RPS6: variants seen among roughly 807,000 people sequenced by gnomAD.
RPS6 encodes the protein small ribosomal subunit protein eS6.
Under a neutral mutation model 27.1 loss-of-function variants are expected in RPS6, and 1 was observed. The ratio of observed to expected loss-of-function variants is 0.04; its 90% CI spans 0.01 to 0.18. The LOEUF is 0.18. Among genes scored for constraint, RPS6 ranks in the 10% least tolerant of loss-of-function variants. The pLI is 1.00. For synonymous variants in RPS6, 152 were observed against 106.0 expected, an observed-to-expected ratio of 1.43 and a Z score of -2.66; for missense variants, 259 against 319.1, an observed-to-expected ratio of 0.81 and a Z score of 1.44.
chr9:19,380,212 G>A lies in RPS6; in HGVS notation c.-17C>T, dbSNP rs565220729. 43 of 1,613,380 alleles carry A rather than the reference G, an allele frequency of 2.7e-5. No individual in the cohort carries two copies. The highest frequency in any genetic ancestry group is 2.0e-4 in the South Asian group (18 of 91,084). ...TACCTTCATCTTGAAGCAGCTGAAC[G>A]CCTCCGAGGCGCCACGGAAAAGAGG... On this transcript the variant is annotated 5_prime_UTR_variant, in exon 1 of 6. Transcript: ENST00000380394.
Position 19,375,965 on chromosome 9 carries a change from ATATTCCTCAAAAATAAAC to A in RPS6, c.*310_*327del, listed in dbSNP as rs1362755831. On this transcript the variant is annotated 3_prime_UTR_variant, in exon 6 of 6. Transcript: ENST00000380394. ...ATTGTGTATAGTGCTTTAAAGAGCT[ATATTCCTCAAAAATAAAC>A]TATATAAAAAAGATTAATAGTCCTC... 1 of 187,062 alleles carries A rather than the reference ATATTCCTCAAAAATAAAC, an allele frequency of 5.3e-6. No homozygotes were observed. The highest frequency in any genetic ancestry group is 1.3e-4 in the East Asian group (1 of 7,800). 11.6% of individuals were successfully genotyped at this position (187,062 alleles called of 1,614,324 possible).
chr9:19,376,976 T>C lies in RPS6; in HGVS notation c.497-325A>G, dbSNP rs190594059. On this transcript the variant is annotated intron_variant, in intron 4 of 5. Coordinates refer to ENST00000380394, the MANE Select transcript of RPS6 (RefSeq NM_001010.3). ...TAGTTAATTTGTCTGTGAAAACCAC[T>C]TAACACATTATCTACATAATCATCC... 54 of 187,950 alleles carry C rather than the reference T, an allele frequency of 2.9e-4. 1 individual carries two copies. The East Asian group carries it at 5.4e-3, about 19-fold the overall frequency. 11.6% of individuals were successfully genotyped at this position (187,950 alleles called of 1,614,324 possible).
At chr9:19,377,464 G>A (rs1423059268) in intron 4 of RPS6, among the ~76,000 whole-genome samples, 1 of 145,644 alleles carries the variant, frequency 6.9e-6, no homozygotes, top group African/African-American at 2.6e-5. Flanking sequence ...TCAGCACCTT[G>A]AACAGTACCT....
In RPS6 at chr9:19,379,635, G is replaced by A. The variant is rs771844493; in HGVS notation, c.7-17C>T. The A allele has an allele frequency of 1.9e-6, 3 of 1,606,848 alleles. No individual in the cohort carries two copies. Among genetic ancestry groups the A allele is most frequent in the East Asian group, 2.2e-5 (1 of 44,810 alleles). ...GATGTTCAGCTAAGGATTAAAAGGG[G>A]GGAAATAGTTTACGAAACTATCTAT... On this transcript the variant is annotated splice_polypyrimidine_tract_variant and intron_variant, in intron 1 of 5. Transcript: ENST00000380394.
In RPS6 at chr9:19,380,176, C is replaced by T. The variant is rs769690365; in HGVS notation, c.6+14G>A. The T allele has an allele frequency of 8.8e-5, 142 of 1,614,030 alleles. No individual in the cohort carries two copies. The highest frequency in any genetic ancestry group is 1.1e-4 in the Non-Finnish European group (129 of 1,180,032). ...TTCCCCAAACCCAGTCTAACACTCG[C>T]CACCATCACCTACCTTCATCTTGAA... On this transcript the variant is annotated intron_variant, in intron 1 of 5. Transcript: ENST00000380394.
chr9:19,379,892 G>A lies in RPS6; in HGVS notation c.7-274C>T, dbSNP rs1050565623. ...CCGTTCACCCTCCCGAAGCAAGAAA[G>A]CCGGGGTCAAGAGCCGCACCACAGG... On this transcript the variant is annotated intron_variant, in intron 1 of 5. Transcript: ENST00000380394. 21 of 1,423,580 alleles carry A rather than the reference G, an allele frequency of 1.5e-5. No individual in the cohort carries two copies. In the Admixed American group the frequency reaches 2.6e-4, roughly 18 times the overall value. 88.2% of individuals were successfully genotyped at this position (1,423,580 alleles called of 1,614,324 possible).
Position 19,376,082 on chromosome 9 carries a change from C to A in RPS6, c.*211G>T. Reference sequence around the variant, plus strand: ...GCTCAGAATCCCTTCCTGTGCCACCCATCCCCTGAAAGGAACCCCTGTACA... The same window carrying A: ...GCTCAGAATCCCTTCCTGTGCCACCAATCCCCTGAAAGGAACCCCTGTACA... On this transcript the variant is annotated 3_prime_UTR_variant, in exon 6 of 6. Coordinates refer to ENST00000380394, the MANE Select transcript of RPS6 (RefSeq NM_001010.3). 2.1e-6 allele frequency: 1 copy of A among 467,016 alleles called. No homozygotes were observed. Among genetic ancestry groups the A allele is most frequent in the Non-Finnish European group, 3.8e-6 (1 of 264,206 alleles). The allele number at this position is 467,016 out of a possible 1,614,324, so 28.9% of individuals were successfully genotyped here.
At position 19,376,344 on chromosome 9, in the gene RPS6, T is replaced by C. The variant is rs3209386; in HGVS notation, c.699A>G (p.Arg233=). ...AAGTAGAAGCTCGCAGAGAGGAAAG[T>C]CTGCGTCTCTTCGCAATTTGTTCCT... ...KRQEQIAKRR[R]LSSLRASTSK... The change falls in exon 6 of 6, where the codon AGA becomes AGG. Residue 233 remains arginine, a synonymous_variant. Transcript: ENST00000380394. 1 of 1,614,172 alleles carries C rather than the reference T, an allele frequency of 6.2e-7. No homozygotes were observed. The highest frequency in any genetic ancestry group is 2.2e-5 in the East Asian group (1 of 44,880).
At position 19,379,284 on chromosome 9, in the gene RPS6, T is replaced by C. The variant is rs1204142119; in HGVS notation, c.138+203A>G. On this transcript the variant is annotated intron_variant, in intron 2 of 5. Transcript: ENST00000380394. ...TGATGCAGGGCAAGAATTATGTTGATGTAAACTTTACGTATATTTTATGGC... is the reference window on the plus strand; with the variant it reads ...TGATGCAGGGCAAGAATTATGTTGACGTAAACTTTACGTATATTTTATGGC... The C allele has an allele frequency of 2.0e-6, 3 of 1,467,090 alleles. No homozygotes were observed. The African/African-American group carries it at 4.3e-5, about 21-fold the overall frequency. The allele number at this position is 1,467,090 out of a possible 1,614,324, so 90.9% of individuals were successfully genotyped here.
intron 2 of RPS6, 58 bp from the exon 3 acceptor site, chr9:19,378,976 A>ACAGGAT: frequency 6.6e-7 from 1 of 1,524,460 alleles, no homozygotes; most frequent in South Asian, 1.2e-5. Context: ...ATTATACAGT[A>ACAGGAT]CAGGATTGTG....
intron 1 of RPS6, chr9:19,379,859 C>A: frequency 1.4e-6 from 2 of 1,424,576 alleles, no homozygotes; most frequent in Non-Finnish European, 1.8e-6. Flanking sequence ...GGCGAGGGCA[C>A]TCCGCAGCCG....
At chr9:19,379,437 G>A in intron 2 of RPS6, 50 bp downstream of exon 2, 3 of 1,610,220 alleles carry the variant, frequency 1.9e-6, no homozygotes, top group Non-Finnish European at 2.5e-6. Flanking sequence ...GTTACCAATG[G>A]CGTTTACCGT....
chr9:19,378,600 G>C (rs900369176), intron 3 of RPS6, 86 bp from the exon 4 acceptor site: 10 of 1,576,372 alleles, frequency 6.3e-6, no homozygotes, highest in African/African-American at 2.7e-5. Context: ...ATTGATGGTA[G>C]AGAAACAAAT....
chr9:19,379,532 A>T lies in RPS6; in HGVS notation c.93T>A (p.Arg31=). Reference sequence around the variant, plus strand: ...CGTCAGCAGCAACTTCTGTGGCCATACGCTTCTCATAGAAAGTACGAAGTT... The same window carrying T: ...CGTCAGCAGCAACTTCTGTGGCCATTCGCTTCTCATAGAAAGTACGAAGTT... The part of the protein sequence containing the change: ...ERKLRTFYEK[R]MATEVAADAL... The change falls in exon 2 of 6, where the codon CGT becomes CGA. Residue 31 remains arginine (R), a synonymous_variant. Coordinates refer to ENST00000380394, the MANE Select transcript of RPS6 (RefSeq NM_001010.3). 6.2e-7 allele frequency: 1 copy of T among 1,614,134 alleles called. No homozygotes were observed. The highest frequency in any genetic ancestry group is 8.5e-7 in the Non-Finnish European group (1 of 1,180,026).
At chr9:19,376,791 ATTCTAAAATGC>A (rs1279131696) in intron 4 of RPS6, 140 bp from the exon 5 acceptor site, 62 of 697,718 alleles carry the variant, frequency 8.9e-5, no homozygotes, top group Non-Finnish European at 7.4e-5. Context: ...AATCAGAACT[ATTCTAAAATGC>A]TTTTTGCCCC....
intron 1 of RPS6, chr9:19,379,886 A>T (rs1466714431): frequency 9.1e-6 from 13 of 1,422,826 alleles, no homozygotes; most frequent in African/African-American, 1.4e-5. Flanking sequence ...CTCCCGAAGC[A>T]AGAAAGCCGG....
chr9:19,380,045 C>T, intron 1 of RPS6, 145 bp downstream of exon 1: 3 of 1,575,682 alleles, frequency 1.9e-6, no homozygotes, highest in Non-Finnish European at 2.6e-6. Flanking sequence ...AAGCTCCATG[C>T]CCCAGAAAGG....
chr9:19,379,644 T>TTTACGAAACTATCTATACAGGTAA (rs763941579), intron 1 of RPS6, 26 bp from the exon 2 acceptor site: 8 of 1,601,602 alleles, frequency 5.0e-6, no homozygotes, highest in Non-Finnish European at 6.8e-6. Context: ...GGGGAAATAG[T>TTTACGAAACTATCTATACAGGTAA]TTACGAAACT....
Position 19,379,069 on chromosome 9 carries a change from T to A in RPS6, c.139-151A>T, listed in dbSNP as rs1484348787. ...AGCACGTTTTCTCTGTTCAGTGAGT[T>A]TTGTCTATATTCCCAACTTGTCAAG... On this transcript the variant is annotated intron_variant, in intron 2 of 5. Coordinates refer to ENST00000380394, the MANE Select transcript of RPS6 (RefSeq NM_001010.3). 3.5e-6 allele frequency: 3 copies of A among 845,904 alleles called. No individual in the cohort carries two copies. In the East Asian group the frequency reaches 8.0e-5, roughly 23 times the overall value. 52.4% of individuals were successfully genotyped at this position (845,904 alleles called of 1,614,324 possible). A position where few individuals can be genotyped will look rare whatever the true frequency, so the allele number is the denominator to read the frequency against.
Sources: gnomAD v4.1 joint callset for allele counts (sites outside exome capture counted in the v4.1 genomes callset) on GRCh38, gnomAD v4.1.1 for gene constraint, MANE v1.5 for transcripts, NCBI Gene and HGNC (gene_info 2026-07-23, HGNC 2026-07-21) for gene names.